The following RAB15 variants were observed in gnomAD, a reference collection of about 807,000 sequenced individuals.
RAB15 encodes RAB15, member RAS oncogene family, also known as ras-related protein Rab-15.
In RAB15, 13 loss-of-function variants were observed where a neutral mutation model predicts 31.8. The observed-to-expected ratio is 0.41, with a 90% CI of 0.27 to 0.65. The LOEUF is 0.65. Among genes scored for constraint, RAB15 ranks in the 30% least tolerant of loss-of-function variants. RAB15 has a pLI of 0.32. For synonymous variants in RAB15, 100 were observed against 105.6 expected (o/e 0.95, Z 0.33); for missense variants, 220 against 277.3 (o/e 0.79, Z 1.47).
chr14:64,950,568 C>T lies in RAB15; in HGVS notation c.325-154G>A. 1.4e-6 allele frequency: 1 copy of T among 701,628 alleles called. No homozygotes were observed. 43.5% of individuals were successfully genotyped at this position (701,628 alleles called of 1,614,324 possible). A position where few individuals can be genotyped will look rare whatever the true frequency, so the allele number is the denominator to read the frequency against. On this transcript the variant is annotated intron_variant, in intron 4 of 6. Coordinates refer to ENST00000533601, the MANE Select transcript of RAB15 (RefSeq NM_001308154.2). This position sits in a 1 kb window ranked among gnomAD's most constrained non-coding sequence, Gnocchi z 5.6. Reference sequence around the variant, plus strand: ...TGCAGGTGCCAGGCTCCCCCAAGTGCCATGGCTGACCTCAAGGGTATCACG... The same window carrying T: ...TGCAGGTGCCAGGCTCCCCCAAGTGTCATGGCTGACCTCAAGGGTATCACG...
At position 64,948,283 on chromosome 14, in the gene RAB15, C is replaced by A; in HGVS notation, c.*71G>T. On this transcript the variant is annotated 3_prime_UTR_variant, in exon 7 of 7. Coordinates refer to ENST00000533601, the MANE Select transcript of RAB15 (RefSeq NM_001308154.2). The surrounding 1 kb of genome is among the most constrained non-coding windows in gnomAD (Gnocchi z 7.0). ...CGAGAGGACAGCAGCAGGGCAAAGC[C>A]CCGGCTCCCCTGTCTGCCCACGGGC... 1 of 1,419,006 alleles carries A rather than the reference C, an allele frequency of 7.0e-7. No individual in the cohort carries two copies. Among genetic ancestry groups the A allele is most frequent in the Non-Finnish European group, 9.2e-7 (1 of 1,083,050 alleles). The allele number at this position is 1,419,006 out of a possible 1,614,324, so 87.9% of individuals were successfully genotyped here.
At position 64,961,660 on chromosome 14, in the gene RAB15, C is replaced by A. The variant is rs186880218; in HGVS notation, c.125-9089G>T. Among the ~76,000 whole-genome samples the A allele has an allele frequency of 3.9e-3, 589 of 152,320 alleles. 2 individuals carry two copies. The highest frequency in any genetic ancestry group is 0.014 in the Middle Eastern group (4 of 294). ...TGGTGGCTCACACCTGTAAACCCAGCACTTTGGGAAGCCAAGGTGTGAGGA... is the reference window on the plus strand; with the variant it reads ...TGGTGGCTCACACCTGTAAACCCAGAACTTTGGGAAGCCAAGGTGTGAGGA... On this transcript the variant is annotated intron_variant, in intron 1 of 6. Transcript: ENST00000533601.
At chr14:64,965,755 G>A (rs776339032) in intron 1 of RAB15, among the ~76,000 whole-genome samples, 3 of 152,158 alleles carry the variant, frequency 2.0e-5, no homozygotes, top group Admixed American at 6.5e-5. Context: ...TCTGGGGAGC[G>A]GGGAGAAGGA....
At chr14:64,961,588 A>G (rs1407676866) in intron 1 of RAB15, among the ~76,000 whole-genome samples, 3 of 152,132 alleles carry the variant, frequency 2.0e-5, no homozygotes, top group African/African-American at 7.2e-5. Context: ...CAGTGAGGCC[A>G]TCCACTCCCT....
rs1886023186 is a variant in RAB15 at position 64,948,281 on chromosome 14, G to A, written c.*73C>T. On this transcript the variant is annotated 3_prime_UTR_variant, in exon 7 of 7. Transcript: ENST00000533601. The surrounding 1 kb of genome is among the most constrained non-coding windows in gnomAD (Gnocchi z 7.0). ...CACGAGAGGACAGCAGCAGGGCAAA[G>A]CCCCGGCTCCCCTGTCTGCCCACGG... The A allele has an allele frequency of 2.1e-6, 3 of 1,411,172 alleles. No individual in the cohort carries two copies. The highest frequency in any genetic ancestry group is 5.1e-5 in the East Asian group (2 of 39,500). 87.4% of individuals were successfully genotyped at this position (1,411,172 alleles called of 1,614,324 possible). A position where few individuals can be genotyped will look rare whatever the true frequency, so the allele number is the denominator to read the frequency against.
Position 64,972,034 on chromosome 14 carries a change from C to CGAT in RAB15, c.40_42dup (p.Ile14dup). The CGAT allele has an allele frequency of 6.2e-7, 1 of 1,610,646 alleles. No homozygotes were observed. Among genetic ancestry groups the CGAT allele is most frequent in the Non-Finnish European group, 8.5e-7 (1 of 1,178,708 alleles). On this transcript the variant is annotated inframe_insertion, in exon 1 of 7. Coordinates refer to ENST00000533601, the MANE Select transcript of RAB15 (RefSeq NM_001308154.2). This position sits in a 1 kb window ranked among gnomAD's most constrained non-coding sequence, Gnocchi z 6.3. The stretch of plus-strand genomic sequence containing the variant: ...CAGGTCTTGCCCACCCCGGAGTCCC[C>CGAT]GATCAGCAGCAGCCGGAACAGCACA...
rs907005595 is a variant in RAB15, at chr14:64,968,939, T to A, written c.124+3014A>T. 2.6e-5 allele frequency among the ~76,000 whole-genome samples: 4 copies of A among 152,198 alleles called. No individual in the cohort carries two copies. The highest frequency in any genetic ancestry group is 9.6e-5 in the African/African-American group (4 of 41,452). On this transcript the variant is annotated intron_variant, in intron 1 of 6. Transcript: ENST00000533601. This position sits in a 1 kb window ranked among gnomAD's most constrained non-coding sequence, Gnocchi z 4.9. ...TCAGTCTACCAGGGAGGCCTCTCACTGCTCCCTGGCGGGTTCTTCTCTAGA... is the reference window on the plus strand; with the variant it reads ...TCAGTCTACCAGGGAGGCCTCTCACAGCTCCCTGGCGGGTTCTTCTCTAGA...
Position 64,954,361 on chromosome 14 carries a change from G to A in RAB15, c.125-1790C>T, listed in dbSNP as rs2139976064. 1 of 985,282 alleles carries A rather than the reference G, an allele frequency of 1.0e-6. No homozygotes were observed. Among genetic ancestry groups the A allele is most frequent in the Non-Finnish European group, 1.2e-6 (1 of 829,800 alleles). 61.0% of individuals were successfully genotyped at this position (985,282 alleles called of 1,614,324 possible). ...TTTCTCCCCAGTACCTGGCATAGAAGGGAATCAAGACATTCTTGTTTCATG... is the reference window on the plus strand; with the variant it reads ...TTTCTCCCCAGTACCTGGCATAGAAAGGAATCAAGACATTCTTGTTTCATG... On this transcript the variant is annotated intron_variant, in intron 1 of 6. Coordinates refer to ENST00000533601, the MANE Select transcript of RAB15 (RefSeq NM_001308154.2). The surrounding 1 kb of genome is among the most constrained non-coding windows in gnomAD (Gnocchi z 4.3).
At chr14:64,964,260 A>C (rs952476287) in intron 1 of RAB15, among the ~76,000 whole-genome samples, 11 of 152,254 alleles carry the variant, frequency 7.2e-5, no homozygotes, top group African/African-American at 2.6e-4. Context: ...GTGGTGGCTC[A>C]TGCCCGTAAT....
chr14:64,953,826 A>T lies in RAB15; in HGVS notation c.125-1255T>A, dbSNP rs565527100. The stretch of plus-strand genomic sequence containing the variant: ...CCCTGGAGCAAGGTCAGGAGTGGGC[A>T]TGATCAGCCACAGTTTTCAGATGGG... On this transcript the variant is annotated intron_variant, in intron 1 of 6. Coordinates refer to ENST00000533601, the MANE Select transcript of RAB15 (RefSeq NM_001308154.2). This position sits in a 1 kb window ranked among gnomAD's most constrained non-coding sequence, Gnocchi z 4.6. The T allele has an allele frequency of 1.0e-6, 1 of 985,426 alleles. No individual in the cohort carries two copies. Among genetic ancestry groups the T allele is most frequent in the Admixed American group, 6.1e-5 (1 of 16,286 alleles). 61.0% of individuals were successfully genotyped at this position (985,426 alleles called of 1,614,324 possible).
In RAB15 at chr14:64,948,599, A is replaced by T; in HGVS notation, c.480+69T>A. The T allele has an allele frequency of 6.2e-7, 1 of 1,610,016 alleles. No individual in the cohort carries two copies. Among genetic ancestry groups the T allele is most frequent in the Non-Finnish European group, 8.5e-7 (1 of 1,177,112 alleles). On this transcript the variant is annotated intron_variant, in intron 6 of 6. Transcript: ENST00000533601. This position sits in a 1 kb window ranked among gnomAD's most constrained non-coding sequence, Gnocchi z 7.0. ...CGGCCTGAGGGATAAGGTCCATCTT[A>T]TGGCTCCTCCTCCCACCTCTGCTGG...
In RAB15 at chr14:64,953,571, C is replaced by T. The variant is rs1049532009; in HGVS notation, c.125-1000G>A. On this transcript the variant is annotated intron_variant, in intron 1 of 6. Coordinates refer to ENST00000533601, the MANE Select transcript of RAB15 (RefSeq NM_001308154.2). This position sits in a 1 kb window ranked among gnomAD's most constrained non-coding sequence, Gnocchi z 4.6. Reference sequence around the variant, plus strand: ...TAAGCTGCCACGAGACACAAGAAACCGAAGGGATTTGGCAAATGCGTGCAG... The same window carrying T: ...TAAGCTGCCACGAGACACAAGAAACTGAAGGGATTTGGCAAATGCGTGCAG... 3.9e-5 allele frequency among the ~76,000 whole-genome samples: 6 copies of T among 152,100 alleles called. No homozygotes were observed. The highest frequency in any genetic ancestry group is 7.4e-5 in the Non-Finnish European group (5 of 68,026).
intron 1 of RAB15, among the ~76,000 whole-genome samples, chr14:64,959,060 G>C (rs1886722664): frequency 6.6e-6 from 1 of 152,222 alleles, no homozygotes; most frequent in Non-Finnish European, 1.5e-5. Context: ...AATCAAACCA[G>C]CTCACTCCAG....
chr14:64,950,652 A>G lies in RAB15; in HGVS notation c.325-238T>C. ...GACTGGTGCTTCCTTGGGTTAGACCACTGGTATCAGAGCTGGAAAGGACAT... is the reference window on the plus strand; with the variant it reads ...GACTGGTGCTTCCTTGGGTTAGACCGCTGGTATCAGAGCTGGAAAGGACAT... On this transcript the variant is annotated intron_variant, in intron 4 of 6. Transcript: ENST00000533601. The surrounding 1 kb of genome is among the most constrained non-coding windows in gnomAD (Gnocchi z 5.6). The G allele has an allele frequency of 5.0e-6, 3 of 600,522 alleles. No homozygotes were observed. Among genetic ancestry groups the G allele is most frequent in the Non-Finnish European group, 8.9e-6 (3 of 337,276 alleles). 37.2% of individuals were successfully genotyped at this position (600,522 alleles called of 1,614,324 possible). A position where few individuals can be genotyped will look rare whatever the true frequency, so the allele number is the denominator to read the frequency against.
At position 64,971,932 on chromosome 14, in the gene RAB15, C is replaced by T. The variant is rs1255739179; in HGVS notation, c.124+21G>A. On this transcript the variant is annotated intron_variant, in intron 1 of 6. Coordinates refer to ENST00000533601, the MANE Select transcript of RAB15 (RefSeq NM_001308154.2). The surrounding 1 kb of genome is among the most constrained non-coding windows in gnomAD (Gnocchi z 4.1). ...GGCCGCGGGCGGGGAGGGAGGGGCG[C>T]CCCGGGCCACCGCCCCTTACCGATG... 2 of 1,548,634 alleles carry T rather than the reference C, an allele frequency of 1.3e-6. No homozygotes were observed. Among genetic ancestry groups the T allele is most frequent in the Non-Finnish European group, 1.7e-6 (2 of 1,146,876 alleles).
chr14:64,945,861 G>C lies in RAB15; in HGVS notation c.*2493C>G, dbSNP rs1412443055. The stretch of plus-strand genomic sequence containing the variant: ...TTTGTAAACATCTGTGTTTAAAATA[G>C]ATGAACCCTGCTCACAATTCATATA... On this transcript the variant is annotated 3_prime_UTR_variant, in exon 7 of 7. Coordinates refer to ENST00000533601, the MANE Select transcript of RAB15 (RefSeq NM_001308154.2). 1.3e-5 allele frequency: 2 copies of C among 152,658 alleles called. No individual in the cohort carries two copies. The highest frequency in any genetic ancestry group is 4.8e-5 in the African/African-American group (2 of 41,436). The allele number at this position is 152,658 out of a possible 1,614,324, so 9.5% of individuals were successfully genotyped here.
rs1489404665 is a variant in RAB15 at position 64,950,481 on chromosome 14, T to G, written c.325-67A>C. On this transcript the variant is annotated intron_variant, in intron 4 of 6. Coordinates refer to ENST00000533601, the MANE Select transcript of RAB15 (RefSeq NM_001308154.2). This position sits in a 1 kb window ranked among gnomAD's most constrained non-coding sequence, Gnocchi z 5.6. ...TGCCCCCCCAATTTTCCCTACAGAG[T>G]CTGCACTGCCTCCAGCCCACCACCA... 4.6e-6 allele frequency: 6 copies of G among 1,307,614 alleles called. No homozygotes were observed. Among genetic ancestry groups the G allele is most frequent in the Non-Finnish European group, 6.6e-6 (6 of 905,336 alleles). The allele number at this position is 1,307,614 out of a possible 1,614,324, so 81.0% of individuals were successfully genotyped here.
rs576245290 is a variant in RAB15, at chr14:64,959,510, T to G, written c.125-6939A>C. 3.3e-5 allele frequency among the ~76,000 whole-genome samples: 5 copies of G among 152,302 alleles called. No homozygotes were observed. The East Asian group carries it at 9.6e-4, about 29-fold the overall frequency. ...GTTTTGTTTGCTCGTTTTTAAAATC[T>G]CTGCCACATAGTGCCAGCATAGTGC... is the stretch of plus-strand genomic sequence containing the variant. On this transcript the variant is annotated intron_variant, in intron 1 of 6. Transcript: ENST00000533601.
intron 1 of RAB15, among the ~76,000 whole-genome samples, chr14:64,964,256 G>A (rs900269708): frequency 2.6e-5 from 4 of 152,104 alleles, no homozygotes; most frequent in African/African-American, 9.7e-5. Flanking sequence ...GGGCGTGGTG[G>A]CTCATGCCCG....
Sources: gnomAD v4.1 joint callset for allele counts (sites outside exome capture counted in the v4.1 genomes callset) on GRCh38, gnomAD v4.1.1 for gene constraint, Gnocchi (gnomAD v3.1) non-coding constraint, MANE v1.5 for transcripts, NCBI Gene and HGNC (gene_info 2026-07-23, HGNC 2026-07-21) for gene names.